ZNF638: variants seen among roughly 807,000 people sequenced by gnomAD.
ZNF638 encodes CTCL tumor antigen se33-1.
In ZNF638, 46 loss-of-function variants were observed where a neutral mutation model predicts 195.6. The observed-to-expected ratio is 0.24, with a 90% CI of 0.19 to 0.30. The LOEUF is 0.30. Among genes scored for constraint, ZNF638 ranks in the 10% least tolerant of loss-of-function variants. ZNF638 has a pLI of 1.00. For missense variants in ZNF638, 2,440 were observed against 2,325.3 expected, an observed-to-expected ratio of 1.05 and a Z score of -1.01; for synonymous variants, 845 against 772.0, an observed-to-expected ratio of 1.09 and a Z score of -1.57.
intron 20 of ZNF638, among the ~76,000 whole-genome samples, chr2:71,409,164 A>G (rs2080162628): frequency 6.6e-6 from 1 of 152,152 alleles, no homozygotes; most frequent in Non-Finnish European, 1.5e-5. Context: ...AAATTTACAT[A>G]AACTTCTGCC....
At chr2:71,396,476 A>C (rs2079897100) in intron 11 of ZNF638, among the ~76,000 whole-genome samples, 1 of 152,120 alleles carries the variant, frequency 6.6e-6, no homozygotes, top group Non-Finnish European at 1.5e-5. Context: ...ACTTTTATAT[A>C]ATAGTTCAAT....
chr2:71,344,687 AATTG>A (rs1477741053), intron 1 of ZNF638, among the ~76,000 whole-genome samples: 1 of 152,200 alleles, frequency 6.6e-6, no homozygotes, highest in African/African-American at 2.4e-5. Flanking sequence ...TATTCCCTTG[AATTG>A]ATTGAGAAGG....
intron 20 of ZNF638, among the ~76,000 whole-genome samples, chr2:71,409,713 T>G (rs2080174049): frequency 6.6e-6 from 1 of 152,220 alleles, no homozygotes; most frequent in African/African-American, 2.4e-5. Context: ...TGATCATCTG[T>G]GTAACTTAAT....
intron 1 of ZNF638, among the ~76,000 whole-genome samples, chr2:71,343,992 T>C (rs58113797): frequency 0.013 from 1,933 of 152,244 alleles, 39 homozygotes; most frequent in African/African-American, 0.042. Context: ...CAGCCGGGTG[T>C]GGTGGCACGC....
At chr2:71,407,378 C>T (rs1432976556) in intron 19 of ZNF638, 1 of 152,192 alleles carries the variant, frequency 6.6e-6, no homozygotes, top group Non-Finnish European at 1.5e-5. Flanking sequence ...TCATTCTCTT[C>T]AGTTTTGCCT....
intron 20 of ZNF638, among the ~76,000 whole-genome samples, chr2:71,408,965 A>G (rs1411151575): frequency 6.6e-6 from 1 of 152,132 alleles, no homozygotes; most frequent in Non-Finnish European, 1.5e-5. Context: ...ATTTCAGAAA[A>G]AAATATATAA....
intron 20 of ZNF638, among the ~76,000 whole-genome samples, chr2:71,411,340 C>T (rs927849296): frequency 2.0e-5 from 3 of 151,334 alleles, no homozygotes; most frequent in Admixed American, 6.6e-5. Context: ...TTATTTCCTT[C>T]AATTTTTAAT....
chr2:71,349,756 G>A lies in ZNF638; in HGVS notation c.802G>A (p.Val268Ile), dbSNP rs1468037447. 20 of 1,614,048 alleles carry A rather than the reference G, an allele frequency of 1.2e-5. No individual in the cohort carries two copies. Among genetic ancestry groups the A allele is most frequent in the Non-Finnish European group, 1.6e-5 (19 of 1,180,040 alleles). ...TAATTCTATGTTTCCTGTTGAAGAC[G>A]TATTTCGCCAAATGGACTTCCCCGG... ...ICNSMFPVED[V>I]FRQMDFPGES... The change falls in exon 2 of 28, where the codon GTA becomes ATA. Residue 268 changes from valine (V) to isoleucine (I), a missense_variant. Around this residue, in one of 5 missense-constraint regions of ZNF638, gnomAD observed 305 missense variants for 283.6 expected, o/e 1.08. Transcript: ENST00000264447.
intron 3 of ZNF638, among the ~76,000 whole-genome samples, chr2:71,357,420 C>T (rs1345248321): frequency 6.6e-6 from 1 of 152,104 alleles, no homozygotes; most frequent in Admixed American, 6.5e-5. Context: ...AATTTGTTAC[C>T]TGAATTAGAT....
At chr2:71,343,745 T>C (rs1180329083) in intron 1 of ZNF638, among the ~76,000 whole-genome samples, 4 of 152,156 alleles carry the variant, frequency 2.6e-5, no homozygotes, top group African/African-American at 4.8e-5. Flanking sequence ...CAGACTCTTA[T>C]AGTTTGAATT....
chr2:71,372,193 C>T (rs2079326683), intron 8 of ZNF638, among the ~76,000 whole-genome samples: 1 of 152,188 alleles, frequency 6.6e-6, no homozygotes, highest in Non-Finnish European at 1.5e-5. Context: ...GCTCTAATCC[C>T]AGCCCCAGCC....
intron 10 of ZNF638, among the ~76,000 whole-genome samples, chr2:71,384,288 T>C (rs2079593202): frequency 6.6e-6 from 1 of 152,240 alleles, no homozygotes; most frequent in African/African-American, 2.4e-5. Flanking sequence ...TGCTTTATTA[T>C]ACACGTTGTT....
chr2:71,356,167 T>G (rs1237987768), intron 3 of ZNF638, among the ~76,000 whole-genome samples: 1 of 152,224 alleles, frequency 6.6e-6, no homozygotes, highest in Admixed American at 6.5e-5. Flanking sequence ...ATTTTGGACC[T>G]AAAGCTCTTC....
chr2:71,352,350 C>T (rs1300493184), intron 2 of ZNF638, among the ~76,000 whole-genome samples: 1 of 151,832 alleles, frequency 6.6e-6, no homozygotes, highest in Non-Finnish European at 1.5e-5. Flanking sequence ...TGGTCATGCG[C>T]ACCTGTAATT....
At chr2:71,396,666 C>T (rs2079900435) in intron 11 of ZNF638, among the ~76,000 whole-genome samples, 1 of 152,134 alleles carries the variant, frequency 6.6e-6, no homozygotes, top group Non-Finnish European at 1.5e-5. Context: ...TCTTTCAAGC[C>T]AGGCATGGTG....
At position 71,348,925 on chromosome 2, in the gene ZNF638, T is replaced by G; in HGVS notation, c.-30T>G. ...ACATGGTTCAACACCACCTTATACT[T>G]TATTAAATCAGGCTTTCTTGAAAAT... On this transcript the variant is annotated 5_prime_UTR_variant, in exon 2 of 28. Transcript: ENST00000264447. 1.2e-5 allele frequency: 20 copies of G among 1,614,150 alleles called. No individual in the cohort carries two copies. Among genetic ancestry groups the G allele is most frequent in the Non-Finnish European group, 1.6e-5 (19 of 1,180,016 alleles).
intron 20 of ZNF638, among the ~76,000 whole-genome samples, chr2:71,417,899 T>C (rs1341565144): frequency 3.9e-5 from 6 of 152,204 alleles, no homozygotes; most frequent in Non-Finnish European, 8.8e-5. Context: ...TTTCAGTTTT[T>C]AGTCTGACAA....
At chr2:71,342,316 G>A (rs2078775572) in intron 1 of ZNF638, among the ~76,000 whole-genome samples, 1 of 151,124 alleles carries the variant, frequency 6.6e-6, no homozygotes, top group South Asian at 2.1e-4. Context: ...TAAATTCTTA[G>A]GGACTCAGCT....
intron 22 of ZNF638, among the ~76,000 whole-genome samples, chr2:71,424,320 A>G (rs184959151): frequency 1.2e-4 from 18 of 152,092 alleles, no homozygotes; most frequent in Non-Finnish European, 2.9e-5. Flanking sequence ...TCTGCAGTGA[A>G]TCTCCTAAGG....
Sources: gnomAD v4.1 joint callset for allele counts (sites outside exome capture counted in the v4.1 genomes callset) on GRCh38, gnomAD v4.1.1 for gene constraint, gnomAD v4.1.1 regional missense constraint, MANE v1.5 for transcripts, NCBI Gene and HGNC (gene_info 2026-07-23, HGNC 2026-07-21) for gene names.